MTHFD1L: variants seen among roughly 807,000 people sequenced by gnomAD.
The protein encoded by MTHFD1L is monofunctional C1-tetrahydrofolate synthase, mitochondrial.
A neutral mutation model predicts 119.5 loss-of-function variants in MTHFD1L; 81 were observed. That is an observed-to-expected ratio of 0.68 (90% CI 0.57 to 0.82). MTHFD1L has a LOEUF of 0.82. Among genes scored for constraint, MTHFD1L ranks in the 40% least tolerant of loss-of-function variants. MTHFD1L has a pLI of 0.00. For missense variants in MTHFD1L, 1,125 were observed against 1,253.4 expected (o/e 0.90, Z 1.55); for synonymous variants, 430 against 475.2 (o/e 0.90, Z 1.24).
chr6:150,928,955 C>T (rs1159719671), intron 11 of MTHFD1L, among the ~76,000 whole-genome samples: 3 of 152,188 alleles, frequency 2.0e-5, no homozygotes, highest in African/African-American at 7.2e-5. Context: ...CCTGTGGCTT[C>T]ACCCTTCTCC....
intron 26 of MTHFD1L, among the ~76,000 whole-genome samples, chr6:151,081,676 A>G (rs2128633732): frequency 6.6e-6 from 1 of 152,182 alleles, no homozygotes; most frequent in East Asian, 1.9e-4. Context: ...AAAAATAATA[A>G]TGATTTCCCT....
chr6:150,866,061 G>A lies in MTHFD1L; in HGVS notation c.227+12G>A, dbSNP rs1408377417. On this transcript the variant is annotated intron_variant, in intron 1 of 27. Coordinates refer to ENST00000367321, the MANE Select transcript of MTHFD1L (RefSeq NM_015440.5). The stretch of plus-strand genomic sequence containing the variant: ...GACTCCATCGTCAGGTGAGTGTCGG[G>A]TCTGGCCCTGGCCCAGGTCTCCAGC... 3 of 1,477,988 alleles carry A rather than the reference G, an allele frequency of 2.0e-6. No homozygotes were observed. The highest frequency in any genetic ancestry group is 2.5e-5 in the South Asian group (2 of 78,684). The allele number at this position is 1,477,988 out of a possible 1,614,324, so 91.6% of individuals were successfully genotyped here.
At chr6:150,866,205 G>A in intron 1 of MTHFD1L, 156 bp downstream of exon 1, 2 of 1,371,006 alleles carry the variant, frequency 1.5e-6, no homozygotes, top group African/African-American at 1.5e-5. Context: ...GGGAAACGCG[G>A]GCTTGGGCAC....
intron 21 of MTHFD1L, among the ~76,000 whole-genome samples, chr6:151,012,220 C>G (rs1325389374): frequency 6.6e-6 from 1 of 151,686 alleles, no homozygotes; most frequent in African/African-American, 2.4e-5. Context: ...GTCCAAGTGT[C>G]TGGCATGGTC....
At chr6:151,010,320 G>A (rs1562533148) in intron 21 of MTHFD1L, among the ~76,000 whole-genome samples, 1 of 152,194 alleles carries the variant, frequency 6.6e-6, no homozygotes, top group Non-Finnish European at 1.5e-5. Context: ...GGTAATGGGA[G>A]GTTAGAGGCT....
At chr6:150,986,730 A>C (rs140686560) in intron 20 of MTHFD1L, among the ~76,000 whole-genome samples, 4,205 of 152,222 alleles carry the variant, frequency 0.028, 206 homozygotes, top group Admixed American at 0.14. Context: ...TTGGAGATCA[A>C]GTCTCACTCT....
chr6:151,004,570 A>AT (rs1445268701), intron 20 of MTHFD1L, among the ~76,000 whole-genome samples: 3 of 152,178 alleles, frequency 2.0e-5, no homozygotes, highest in Non-Finnish European at 2.9e-5. Flanking sequence ...ATGATCATGG[A>AT]AAGGCAGCTG....
intron 4 of MTHFD1L, among the ~76,000 whole-genome samples, chr6:150,880,025 G>A (rs951710121): frequency 3.3e-5 from 5 of 152,052 alleles, no homozygotes; most frequent in Admixed American, 2.6e-4. Flanking sequence ...GTGGTGTTTC[G>A]GTACTTGCAT....
intron 24 of MTHFD1L, among the ~76,000 whole-genome samples, chr6:151,030,434 G>C (rs886228872): frequency 1.3e-5 from 2 of 152,210 alleles, no homozygotes; most frequent in African/African-American, 4.8e-5. Context: ...CAAGGTCCTT[G>C]GACTTGCCCT....
At chr6:150,948,114 T>A (rs1355910128) in intron 15 of MTHFD1L, among the ~76,000 whole-genome samples, 1 of 152,038 alleles carries the variant, frequency 6.6e-6, no homozygotes, top group Non-Finnish European at 1.5e-5. Flanking sequence ...TTAAAGCGAT[T>A]CTCCTGCCTC....
intron 1 of MTHFD1L, among the ~76,000 whole-genome samples, chr6:150,870,842 T>TGGAGGTTGTGGGGAGGC (rs1232938383): frequency 6.7e-6 from 1 of 150,110 alleles, no homozygotes; most frequent in Non-Finnish European, 1.5e-5. Flanking sequence ...ACCCGGGAGG[T>TGGAGGTTGTGGGGAGGC]GGAGGTTGTG....
At chr6:151,026,333 A>G (rs746645791) in intron 24 of MTHFD1L, among the ~76,000 whole-genome samples, 1 of 152,326 alleles carries the variant, frequency 6.6e-6, no homozygotes, top group African/African-American at 2.4e-5. Flanking sequence ...TGTGCCACCA[A>G]TATAACCACT....
chr6:150,961,648 T>A (rs1396418865), intron 18 of MTHFD1L, among the ~76,000 whole-genome samples: 2 of 152,240 alleles, frequency 1.3e-5, no homozygotes, highest in East Asian at 1.9e-4. Flanking sequence ...ATTTGAATTC[T>A]TTTTCAAAGT....
intron 20 of MTHFD1L, among the ~76,000 whole-genome samples, chr6:151,006,681 A>G (rs940047001): frequency 3.9e-5 from 6 of 151,918 alleles, no homozygotes; most frequent in African/African-American, 1.5e-4. Context: ...CTTTTCTGCT[A>G]CTCTCTTTTT....
At chr6:151,029,448 T>C (rs1055776920) in intron 24 of MTHFD1L, among the ~76,000 whole-genome samples, 1 of 150,410 alleles carries the variant, frequency 6.6e-6, no homozygotes, top group African/African-American at 2.4e-5. Context: ...AATATATATA[T>C]ACATATTATA....
chr6:150,898,488 G>T (rs1784610212), intron 7 of MTHFD1L, among the ~76,000 whole-genome samples: 1 of 152,166 alleles, frequency 6.6e-6, no homozygotes, highest in East Asian at 1.9e-4. Flanking sequence ...GCTCAGAACT[G>T]AAAACCATAA....
At chr6:151,041,186 C>T (rs116337812) in intron 26 of MTHFD1L, among the ~76,000 whole-genome samples, 4,261 of 152,226 alleles carry the variant, frequency 0.028, 97 homozygotes, top group African/African-American at 0.061. Context: ...AGGCGGTGGC[C>T]CTAGAGGGCT....
intron 7 of MTHFD1L, among the ~76,000 whole-genome samples, chr6:150,889,347 C>T (rs1473447431): frequency 1.3e-5 from 2 of 152,020 alleles, no homozygotes; most frequent in East Asian, 1.9e-4. Context: ...AAAATATAGG[C>T]GTATGCATTT....
intron 24 of MTHFD1L, among the ~76,000 whole-genome samples, chr6:151,027,125 G>A (rs181931856): frequency 3.3e-5 from 5 of 152,032 alleles, no homozygotes; most frequent in Admixed American, 2.0e-4. Context: ...CACCGCACCA[G>A]GCCTCCTGTC....
Sources: allele counts gnomAD v4.1 joint callset (sites outside exome capture counted in the v4.1 genomes callset), GRCh38; gene constraint gnomAD v4.1.1; transcripts MANE v1.5; gene names NCBI Gene and HGNC (gene_info 2026-07-23, HGNC 2026-07-21).